Variants in PHYHIPL observed in about 807,000 individuals in gnomAD.
PHYHIPL encodes phytanoyl-CoA hydroxylase-interacting protein-like.
PHYHIPL carries 9 observed loss-of-function variants against 33.4 expected under a neutral mutation model. The observed-to-expected ratio is 0.27, with a 90% confidence interval of 0.16 to 0.47. The LOEUF is 0.47. Ranked by LOEUF, PHYHIPL falls within the 20% of genes least tolerant of loss-of-function variation. The pLI is 0.99. For missense variants in PHYHIPL, 365 were observed against 460.7 expected (o/e 0.79, Z 1.90); for synonymous variants, 153 against 154.1 (o/e 0.99, Z 0.05).
At chr10:59,212,068 A>G (rs2133240795) in intron 1 of PHYHIPL, among the ~76,000 whole-genome samples, 1 of 152,030 alleles carries the variant, frequency 6.6e-6, no homozygotes, top group East Asian at 1.9e-4. Flanking sequence ...TGGGAGTGGG[A>G]CTGTTAGCTT....
chr10:59,213,024 G>A (rs960787508), intron 1 of PHYHIPL, among the ~76,000 whole-genome samples: 1 of 152,172 alleles, frequency 6.6e-6, no homozygotes, highest in South Asian at 2.1e-4. Flanking sequence ...TTGTCTGTCA[G>A]CTCATAACTA....
chr10:59,175,153 T>C (rs1307991483), upstream of PHYHIPL, among the ~76,000 whole-genome samples: 1 of 152,230 alleles, frequency 6.6e-6, no homozygotes, highest in East Asian at 1.9e-4. Flanking sequence ...GTCATATCCT[T>C]TGACAGGTAA....
Position 59,247,335 on chromosome 10 carries a change from A to C in PHYHIPL, c.*1744A>C, listed in dbSNP as rs545269673. 1 of 361,784 alleles carries C rather than the reference A, an allele frequency of 2.8e-6. No homozygotes were observed. Among genetic ancestry groups the C allele is most frequent in the East Asian group, 6.6e-5 (1 of 15,048 alleles). The allele number at this position is 361,784 out of a possible 1,614,324, so 22.4% of individuals were successfully genotyped here. A position where few individuals can be genotyped will look rare whatever the true frequency, so the allele number is the denominator to read the frequency against. The stretch of plus-strand genomic sequence containing the variant: ...TTATTTAGATTTGATAAAATATTAG[A>C]CATTTTTAAAAATACTTGTATTGAC... On this transcript the variant is annotated 3_prime_UTR_variant, in exon 5 of 5. Transcript: ENST00000373880.
At chr10:59,183,933 G>A (rs1250302433) in intron 1 of PHYHIPL, among the ~76,000 whole-genome samples, 1 of 152,074 alleles carries the variant, frequency 6.6e-6, no homozygotes. Flanking sequence ...ATAAAAACAA[G>A]GCATAAAAGA....
At chr10:59,239,910 A>G (rs1198221642) in intron 4 of PHYHIPL, among the ~76,000 whole-genome samples, 2 of 152,064 alleles carry the variant, frequency 1.3e-5, no homozygotes, top group Non-Finnish European at 2.9e-5. Context: ...AAAAATATTT[A>G]GGAAACTTTG....
chr10:59,186,415 G>C (rs1478592697), intron 1 of PHYHIPL, among the ~76,000 whole-genome samples: 2 of 152,100 alleles, frequency 1.3e-5, no homozygotes, highest in Non-Finnish European at 2.9e-5. Flanking sequence ...CTCCAGCTTT[G>C]TTCTTTTTGC....
chr10:59,205,540 A>G (rs1044875877), intron 1 of PHYHIPL, among the ~76,000 whole-genome samples: 2 of 152,126 alleles, frequency 1.3e-5, no homozygotes, highest in Non-Finnish European at 2.9e-5. Context: ...TTTCTCTTGT[A>G]TTTATTTCAT....
Position 59,176,758 on chromosome 10 carries a change from C to A in PHYHIPL, c.-96C>A. ...GCGTCCCAGGCCTCCTTCCCTCCCTCTGCCACTCCCCCTCCCTTTCCCGCT... is the reference window on the plus strand; with the variant it reads ...GCGTCCCAGGCCTCCTTCCCTCCCTATGCCACTCCCCCTCCCTTTCCCGCT... On this transcript the variant is annotated 5_prime_UTR_variant, in exon 1 of 5. It adds an upstream start codon to the 5' untranslated region. Coordinates refer to ENST00000373880, the MANE Select transcript of PHYHIPL (RefSeq NM_032439.4). The A allele has an allele frequency of 8.7e-7, 1 of 1,151,614 alleles. No homozygotes were observed. Among genetic ancestry groups the A allele is most frequent in the Non-Finnish European group, 1.2e-6 (1 of 812,136 alleles). 71.3% of individuals were successfully genotyped at this position (1,151,614 alleles called of 1,614,324 possible).
At chr10:59,191,104 G>T (rs955409964) in intron 1 of PHYHIPL, among the ~76,000 whole-genome samples, 1 of 151,702 alleles carries the variant, frequency 6.6e-6, no homozygotes, top group Non-Finnish European at 1.5e-5. Context: ...TTAAAAATTG[G>T]TTTAGACATT....
intron 1 of PHYHIPL, among the ~76,000 whole-genome samples, chr10:59,219,953 TA>T (rs1839718438): frequency 6.6e-6 from 1 of 152,064 alleles, no homozygotes; most frequent in East Asian, 1.9e-4. Flanking sequence ...CAAATAGAAT[TA>T]TGCAAACAAC....
intron 4 of PHYHIPL, among the ~76,000 whole-genome samples, chr10:59,239,804 G>A (rs1840337218): frequency 6.6e-6 from 1 of 151,868 alleles, no homozygotes; most frequent in Middle Eastern, 3.2e-3. Flanking sequence ...TGCTATATAG[G>A]TTGTAAAACT....
intron 1 of PHYHIPL, among the ~76,000 whole-genome samples, chr10:59,208,057 A>C (rs1839339747): frequency 6.6e-6 from 1 of 152,144 alleles, no homozygotes; most frequent in African/African-American, 2.4e-5. Flanking sequence ...CTCCCAGCAC[A>C]GCACTCGAGC....
intron 1 of PHYHIPL, among the ~76,000 whole-genome samples, chr10:59,234,035 AATTG>A (rs2133285149): frequency 6.6e-6 from 1 of 151,876 alleles, no homozygotes; most frequent in Non-Finnish European, 1.5e-5. Flanking sequence ...TTTAGAGCAA[AATTG>A]ATTGGTCATG....
chr10:59,204,473 G>A (rs2440865), intron 1 of PHYHIPL, among the ~76,000 whole-genome samples: 7,633 of 152,108 alleles, frequency 0.05, 511 homozygotes, highest in African/African-American at 0.15. Flanking sequence ...CCTGTCAGTC[G>A]AACTAGAATT....
intron 1 of PHYHIPL, among the ~76,000 whole-genome samples, chr10:59,186,230 CCCCATGGCTTATTTTTGT>C (rs1207705014): frequency 1.3e-5 from 2 of 152,196 alleles, no homozygotes; most frequent in Non-Finnish European, 2.9e-5. Context: ...GGAATCCTTT[CCCCATGGCTTATTTTTGT>C]CAGGTTTGTC....
At chr10:59,238,784 GT>G (rs1840305867) in intron 4 of PHYHIPL, 79 bp downstream of exon 4, 4 of 805,458 alleles carry the variant, frequency 5.0e-6, no homozygotes. Context: ...CTTGACTCTA[GT>G]TTTGTCGAAT....
upstream of PHYHIPL, among the ~76,000 whole-genome samples, chr10:59,175,667 G>A (rs1162259354): frequency 6.6e-6 from 1 of 152,178 alleles, no homozygotes; most frequent in Non-Finnish European, 1.5e-5. Flanking sequence ...TCCACTAAGT[G>A]CACTGCAGAA....
At chr10:59,232,688 AT>A (rs760578677) in intron 1 of PHYHIPL, among the ~76,000 whole-genome samples, 6 of 151,584 alleles carry the variant, frequency 4.0e-5, no homozygotes, top group South Asian at 2.1e-4. Flanking sequence ...AATTGTAACT[AT>A]TTTTTTTCAC....
In PHYHIPL at chr10:59,247,362, A is replaced by G. The variant is rs1239802548; in HGVS notation, c.*1771A>G. The G allele has an allele frequency of 6.5e-6, 3 of 458,164 alleles. No individual in the cohort carries two copies. Among genetic ancestry groups the G allele is most frequent in the South Asian group, 2.7e-5 (1 of 36,726 alleles). 28.4% of individuals were successfully genotyped at this position (458,164 alleles called of 1,614,324 possible). A position where few individuals can be genotyped will look rare whatever the true frequency, so the allele number is the denominator to read the frequency against. On this transcript the variant is annotated 3_prime_UTR_variant, in exon 5 of 5. Transcript: ENST00000373880. ...ATTTTTAAAAATACTTGTATTGACT[A>G]TGAGTTTTCTGCTTGGCATGGAGGA...
Sources: gnomAD v4.1 joint callset for allele counts (sites outside exome capture counted in the v4.1 genomes callset) on GRCh38, gnomAD v4.1.1 for gene constraint, MANE v1.5 for transcripts, NCBI Gene and HGNC (gene_info 2026-07-23, HGNC 2026-07-21) for gene names.